MSN: variants seen among roughly 807,000 people sequenced by gnomAD.
MSN encodes the protein epididymis luminal protein 70.
MSN carries 2 observed loss-of-function variants against 48.0 expected under a neutral mutation model. The ratio of observed to expected loss-of-function variants is 0.04; its 90% CI spans 0.02 to 0.13. MSN has a LOEUF of 0.13. MSN is among the 10% of genes least tolerant of loss of function. The pLI, the probability that MSN is intolerant of heterozygous loss-of-function variation, is 1.00. For synonymous variants in MSN, 146 were observed against 166.9 expected, an observed-to-expected ratio of 0.87 and a Z score of 0.97; for missense variants, 267 against 470.1, an observed-to-expected ratio of 0.57 and a Z score of 3.99.
chrX:65,732,811 A>ATGTTAGTT (rs1246214421), intron 6 of MSN, among the ~76,000 whole-genome samples: 1 of 112,343 alleles, frequency 8.9e-6, no homozygotes. Flanking sequence ...AAGGAATCAT[A>ATGTTAGTT]TGTTAGTTGT....
At chrX:65,594,917 A>AC (rs2070175287) in intron 1 of MSN, among the ~76,000 whole-genome samples, 1 of 111,725 alleles carries the variant, frequency 9.0e-6, no homozygotes, top group South Asian at 3.7e-4. Flanking sequence ...CTTAGTATGC[A>AC]CCTGTTTCTG....
intron 4 of MSN, among the ~76,000 whole-genome samples, chrX:65,730,029 TTC>T (rs1024161259): frequency 8.9e-6 from 1 of 112,117 alleles, no homozygotes; most frequent in African/African-American, 3.3e-5. Flanking sequence ...ATTTTCTCAG[TTC>T]TTTTTACTGA....
chrX:65,616,824 TATG>T (rs1375121996), intron 1 of MSN, among the ~76,000 whole-genome samples: 1 of 110,114 alleles, frequency 9.1e-6, no homozygotes, highest in Non-Finnish European at 1.9e-5. Context: ...TCCCATTCAG[TATG>T]ATATTGGCTG....
In MSN at chrX:65,647,839, A is replaced by G. The variant is rs772007549; in HGVS notation, c.-22+59227A>G. 5.3e-5 allele frequency among the ~76,000 whole-genome samples: 6 copies of G among 112,406 alleles called. No individual in the cohort carries two copies. In the Admixed American group the frequency reaches 5.7e-4, roughly 11 times the overall value. On this transcript the variant is annotated intron_variant, in intron 1 of 3. Transcript: ENST00000609672. The stretch of plus-strand genomic sequence containing the variant: ...CCATAAATGCCTTTTAAAGGCCATG[A>G]CAACGATTCTTTTCATCATAAAAGC...
intron 1 of MSN, among the ~76,000 whole-genome samples, chrX:65,617,865 C>T (rs942490059): frequency 9.1e-6 from 1 of 110,398 alleles, no homozygotes; most frequent in South Asian, 4.0e-4. Flanking sequence ...TTTCCCTCTA[C>T]AGACTGCTTT....
chrX:65,618,340 C>T lies in MSN; in HGVS notation c.-22+29728C>T, dbSNP rs375275970. ...TCTCCCATTATTAATGTGTGGGAGT[C>T]TAAGTCTCTTTGTAGGTCACTCAGG... On this transcript the variant is annotated intron_variant, in intron 1 of 3. Transcript: ENST00000609672. Among the ~76,000 whole-genome samples the T allele has an allele frequency of 8.1e-5, 9 of 111,181 alleles. 1 individual carries two copies. In the East Asian group the frequency reaches 2.5e-3, roughly 31 times the overall value.
At chrX:65,696,351 G>C (rs2071239405) in intron 1 of MSN, among the ~76,000 whole-genome samples, 1 of 111,568 alleles carries the variant, frequency 9.0e-6, no homozygotes, top group African/African-American at 3.3e-5. Flanking sequence ...TCAATGATGT[G>C]GGTTCTTTCT....
chrX:65,690,472 C>A (rs1394069086), intron 1 of MSN, among the ~76,000 whole-genome samples: 1 of 111,857 alleles, frequency 8.9e-6, no homozygotes, highest in African/African-American at 3.3e-5. Flanking sequence ...GGGAGGTGAG[C>A]AGCCCTTTTT....
chrX:65,612,878 G>A (rs1490625669), intron 1 of MSN, among the ~76,000 whole-genome samples: 10 of 104,682 alleles, frequency 9.6e-5, no homozygotes, highest in African/African-American at 2.2e-4. Flanking sequence ...GGGGGGGTAC[G>A]ATACAACTTT....
chrX:65,681,870 T>A (rs1308792985), intron 1 of MSN, among the ~76,000 whole-genome samples: 2 of 111,988 alleles, frequency 1.8e-5, no homozygotes, highest in Non-Finnish European at 3.8e-5. Context: ...GAATGCCAGA[T>A]GCTACAGTTT....
intron 1 of MSN, among the ~76,000 whole-genome samples, chrX:65,686,532 A>C (rs183375542): frequency 3.4e-3 from 389 of 112,987 alleles, no homozygotes; most frequent in Non-Finnish European, 6.1e-3. Context: ...TCAGGTTCCA[A>C]AAGGAAAAGG....
rs778278651 is a variant in MSN, at chrX:65,603,818, G to A, written c.-22+15206G>A. Among the ~76,000 whole-genome samples the A allele has an allele frequency of 7.2e-5, 8 of 111,687 alleles. No homozygotes were observed. In the South Asian group the frequency reaches 2.6e-3, roughly 37 times the overall value. On this transcript the variant is annotated intron_variant, in intron 1 of 3. Transcript: ENST00000609672. The stretch of plus-strand genomic sequence containing the variant: ...GGCTCTTGTGATCCAGGCAAAAAGT[G>A]AGCCTACAATATAGTAGTCACAGTC...
chrX:65,689,718 G>T (rs1027200905), intron 1 of MSN, among the ~76,000 whole-genome samples: 6 of 111,389 alleles, frequency 5.4e-5, no homozygotes, highest in Non-Finnish European at 1.1e-4. Flanking sequence ...TTAAAATTGG[G>T]CCATAGAGAC....
In MSN at chrX:65,735,906, C is replaced by T. The variant is rs191739157; in HGVS notation, c.959+476C>T. 2.3e-3 allele frequency among the ~76,000 whole-genome samples: 261 copies of T among 111,496 alleles called. 3 individuals carry two copies. Among genetic ancestry groups the T allele is most frequent in the African/African-American group, 8.4e-3 (257 of 30,678 alleles). On this transcript the variant is annotated intron_variant, in intron 8 of 12. Transcript: ENST00000360270. ...AAGAGGGATGGGGAGAAGGGTAAGC[C>T]AAGTATTCTGAGGGCCCAGATGGAG... is the stretch of plus-strand genomic sequence containing the variant.
At chrX:65,648,894 A>AAAAT (rs748589007) in intron 1 of MSN, among the ~76,000 whole-genome samples, 79 of 108,854 alleles carry the variant, frequency 7.3e-4, no homozygotes, top group African/African-American at 2.5e-3. Flanking sequence ...TAAAATAAAT[A>AAAAT]AAATAAATAA....
chrX:65,667,466 T>C (rs1220189471), upstream of MSN, among the ~76,000 whole-genome samples: 1 of 106,526 alleles, frequency 9.4e-6, no homozygotes, highest in Non-Finnish European at 2.0e-5. Flanking sequence ...GGGTGGGGAG[T>C]GGTAGCTACC....
Position 65,602,939 on chromosome X carries a change from G to A in MSN, c.-22+14327G>A, listed in dbSNP as rs141294919. On this transcript the variant is annotated intron_variant, in intron 1 of 3. Transcript: ENST00000609672. ...GTAGGAACCTTAGAGACCATATAGAGGAGTCTGATTACCCCTACTGAGGCC... is the reference window on the plus strand; with the variant it reads ...GTAGGAACCTTAGAGACCATATAGAAGAGTCTGATTACCCCTACTGAGGCC... Among the ~76,000 whole-genome samples the A allele has an allele frequency of 2.6e-3, 291 of 111,096 alleles. 1 individual carries two copies. The highest frequency in any genetic ancestry group is 9.2e-3 in the African/African-American group (280 of 30,564).
chrX:65,739,988 A>T lies in MSN; in HGVS notation c.*95A>T. Reference sequence around the variant, plus strand: ...TAACTCATACTGTGCTGGAGCCACTAACTAGAGCAGCCCTGGAGTCATGCC... The same window carrying T: ...TAACTCATACTGTGCTGGAGCCACTTACTAGAGCAGCCCTGGAGTCATGCC... On this transcript the variant is annotated 3_prime_UTR_variant, in exon 13 of 13. Transcript: ENST00000360270. The T allele has an allele frequency of 3.1e-6, 3 of 974,664 alleles. No individual in the cohort carries two copies. Among genetic ancestry groups the T allele is most frequent in the Non-Finnish European group, 2.8e-6 (2 of 714,007 alleles). 80.3% of individuals were successfully genotyped at this position (974,664 alleles called of 1,213,427 possible). A position where few individuals can be genotyped will look rare whatever the true frequency, so the allele number is the denominator to read the frequency against.
chrX:65,737,055 A>G, intron 9 of MSN, 123 bp from the exon 10 acceptor site: 1 of 1,124,650 alleles, frequency 8.9e-7, no homozygotes, highest in Non-Finnish European at 1.2e-6. Context: ...AAGAATGGGC[A>G]AGAAGAGAGC....
Sources: allele counts gnomAD v4.1 joint callset (sites outside exome capture counted in the v4.1 genomes callset), GRCh38; gene constraint gnomAD v4.1.1; transcripts MANE v1.5; gene names NCBI Gene and HGNC (gene_info 2026-07-23, HGNC 2026-07-21).